RASEF: variants seen among roughly 807,000 people sequenced by gnomAD.
The protein encoded by RASEF is ras and EF-hand domain-containing protein.
Under a neutral mutation model 90.1 loss-of-function variants are expected in RASEF, and 68 were observed. The ratio of observed to expected loss-of-function variants is 0.75; its 90% CI spans 0.62 to 0.92. The LOEUF (loss-of-function observed/expected upper bound fraction) is 0.92. RASEF is among the 40% of genes least tolerant of loss of function. The pLI is 0.00. For missense variants in RASEF, 949 were observed against 937.2 expected, an observed-to-expected ratio of 1.01 and a Z score of -0.16; for synonymous variants, 331 against 345.2, an observed-to-expected ratio of 0.96 and a Z score of 0.46.
the RASEF span, among the ~76,000 whole-genome samples, chr9:83,126,021 G>A: frequency 6.6e-6 from 1 of 152,150 alleles, no homozygotes; most frequent in Non-Finnish European, 1.5e-5. Flanking sequence ...CTGTGGAACT[G>A]GATTTATCCT....
intron 12 of RASEF, among the ~76,000 whole-genome samples, chr9:82,999,767 C>T (rs1256102117): frequency 1.3e-5 from 2 of 151,966 alleles, no homozygotes; most frequent in South Asian, 4.2e-4. Context: ...GCATGCCCAA[C>T]TAATTTTTGT....
Position 83,005,471 on chromosome 9 carries a change from T to C in RASEF, c.1058A>G (p.Asn353Ser), listed in dbSNP as rs778406601. The change falls in exon 8 of 17, where the codon AAT (asparagine) becomes AGT (serine). Residue 353 changes from asparagine (N) to serine (S), a missense_variant. This residue lies in a region of RASEF where 656 missense variants were observed against 592.2 expected (regional missense o/e 1.11). Coordinates refer to ENST00000376447, the MANE Select transcript of RASEF (RefSeq NM_152573.4). Reference sequence around the variant, plus strand: ...TTCAAGGGCACTTCTAAGGCCATCATTACTGTCATGTAGCTTCCGGTTAGC... The same window carrying C: ...TTCAAGGGCACTTCTAAGGCCATCACTACTGTCATGTAGCTTCCGGTTAGC... ...QTANRKLHDS[N>S]DGLRSALENS... 2.1e-5 allele frequency: 34 copies of C among 1,613,888 alleles called. No homozygotes were observed. The highest frequency in any genetic ancestry group is 2.6e-5 in the Non-Finnish European group (31 of 1,179,934).
At chr9:83,001,314 C>G (rs1829037198) in intron 9 of RASEF, among the ~76,000 whole-genome samples, 184 bp from the exon 10 acceptor site, 1 of 152,090 alleles carries the variant, frequency 6.6e-6, no homozygotes, top group African/African-American at 2.4e-5. Context: ...TCATTCTATG[C>G]AGCAATCAGT....
the RASEF span, among the ~76,000 whole-genome samples, chr9:83,207,598 CTTTTTTTT>C: frequency 9.4e-5 from 8 of 85,468 alleles, no homozygotes; most frequent in African/African-American, 3.4e-4. Flanking sequence ...AGGAGGGCTG[CTTTTTTTT>C]TTTTTTTTTT....
chr9:83,063,184 G>T (rs1005699613), upstream of RASEF: 3 of 349,768 alleles, frequency 8.6e-6, no homozygotes, highest in East Asian at 1.5e-4. Context: ...CTTTCCCGGC[G>T]GGTGCAGCTC....
the RASEF span, among the ~76,000 whole-genome samples, chr9:83,178,009 G>C: frequency 1.3e-5 from 2 of 152,154 alleles, no homozygotes; most frequent in South Asian, 2.1e-4. Flanking sequence ...TCTTTTGCCA[G>C]TAAAAATTTA....
intron 1 of RASEF, among the ~76,000 whole-genome samples, chr9:83,029,764 T>C (rs181986385): frequency 7.2e-5 from 11 of 152,170 alleles, no homozygotes; most frequent in Admixed American, 1.3e-4. Flanking sequence ...CCAATCATGA[T>C]TCAAAAGAAT....
the RASEF span, among the ~76,000 whole-genome samples, chr9:83,155,279 A>G: frequency 6.6e-6 from 1 of 152,176 alleles, no homozygotes; most frequent in Admixed American, 6.5e-5. Context: ...TGGGTGTATT[A>G]GTCCATTTTC....
At chr9:83,045,196 C>T (rs764470525) in intron 1 of RASEF, among the ~76,000 whole-genome samples, 1 of 151,996 alleles carries the variant, frequency 6.6e-6, no homozygotes, top group Non-Finnish European at 1.5e-5. Flanking sequence ...CATGTATGTA[C>T]ACATACACAC....
At chr9:82,986,445 G>A (rs1300335096) in intron 16 of RASEF, among the ~76,000 whole-genome samples, 1 of 152,128 alleles carries the variant, frequency 6.6e-6, no homozygotes, top group African/African-American at 2.4e-5. Flanking sequence ...ACATAGCATG[G>A]GGCTATGCAC....
At chr9:83,147,299 C>T in the RASEF span, among the ~76,000 whole-genome samples, 1 of 152,098 alleles carries the variant, frequency 6.6e-6, no homozygotes, top group Non-Finnish European at 1.5e-5. Flanking sequence ...ACAAACAACT[C>T]TTGGTAAATT....
At chr9:83,128,401 C>T in the RASEF span, among the ~76,000 whole-genome samples, 1 of 151,998 alleles carries the variant, frequency 6.6e-6, no homozygotes, top group African/African-American at 2.4e-5. Context: ...TATATATCTA[C>T]CCTTTCCTAA....
chr9:83,206,279 T>C, the RASEF span, among the ~76,000 whole-genome samples: 4 of 152,238 alleles, frequency 2.6e-5, no homozygotes, highest in Non-Finnish European at 5.9e-5. Flanking sequence ...CTGGGTTTAT[T>C]CTATGAAAGA....
the RASEF span, among the ~76,000 whole-genome samples, chr9:83,095,060 C>A: frequency 2.6e-5 from 4 of 151,930 alleles, no homozygotes; most frequent in Non-Finnish European, 4.4e-5. Context: ...CAATTAGGAC[C>A]CTTATGGTTT....
At chr9:82,992,866 C>T (rs1295167704) in intron 15 of RASEF, 40 bp downstream of exon 15, 4 of 1,605,736 alleles carry the variant, frequency 2.5e-6, no homozygotes, top group Non-Finnish European at 3.4e-6. Context: ...GCCATTAAAC[C>T]CCATGTTCTC....
the RASEF span, among the ~76,000 whole-genome samples, chr9:83,190,464 C>A: frequency 6.6e-6 from 1 of 152,114 alleles, no homozygotes; most frequent in Admixed American, 6.5e-5. Context: ...GATGAGCTTG[C>A]CTCTCATTTA....
At chr9:83,179,795 A>AACACACACACAT in the RASEF span, among the ~76,000 whole-genome samples, 3 of 152,006 alleles carry the variant, frequency 2.0e-5, no homozygotes, top group African/African-American at 7.2e-5. Context: ...ATTTGTGTAA[A>AACACACACACAT]ACACACACAC....
chr9:83,200,695 T>C, the RASEF span, among the ~76,000 whole-genome samples: 1 of 152,224 alleles, frequency 6.6e-6, no homozygotes, highest in Non-Finnish European at 1.5e-5. Flanking sequence ...ATTTTGTCTG[T>C]TGTGTTCACT....
chr9:83,076,662 T>A, the RASEF span, among the ~76,000 whole-genome samples: 2 of 152,210 alleles, frequency 1.3e-5, no homozygotes, highest in South Asian at 4.1e-4. Context: ...TATTATTTTG[T>A]TTGCTTTGAA....
Sources: allele counts gnomAD v4.1 joint callset (sites outside exome capture counted in the v4.1 genomes callset), GRCh38; gene constraint gnomAD v4.1.1; regional missense constraint gnomAD v4.1.1; transcripts MANE v1.5; gene names NCBI Gene and HGNC (gene_info 2026-07-23, HGNC 2026-07-21).